MAF: variants seen among roughly 807,000 people sequenced by gnomAD.
MAF encodes transcription factor Maf.
Under a neutral mutation model 22.0 loss-of-function variants are expected in MAF, and 10 were observed. That is an observed-to-expected ratio of 0.45 (90% CI 0.28 to 0.77). MAF has a LOEUF of 0.77. MAF is among the 30% of genes least tolerant of loss of function. MAF has a pLI of 0.12. For missense variants in MAF, 544 were observed against 548.4 expected (o/e 0.99, Z 0.08); for synonymous variants, 337 against 255.8 (o/e 1.32, Z -3.03).
the MAF span, among the ~76,000 whole-genome samples, chr16:79,379,830 A>G: frequency 6.6e-6 from 1 of 152,152 alleles, no homozygotes; most frequent in African/African-American, 2.4e-5. Flanking sequence ...GTGCTTGAGG[A>G]GGCTTTTGTC....
intron 1 of MAF, chr16:79,594,772 T>C (rs1913414585): frequency 1.5e-6 from 2 of 1,345,480 alleles, no homozygotes; most frequent in Non-Finnish European, 9.5e-7. Context: ...TCAGTAATTG[T>C]TATTTCTAAA....
chr16:79,207,677 C>T, the MAF span, among the ~76,000 whole-genome samples: 1 of 152,146 alleles, frequency 6.6e-6, no homozygotes, highest in Non-Finnish European at 1.5e-5. Context: ...TTTAAATGAG[C>T]ATGCATTTTA....
the MAF span, among the ~76,000 whole-genome samples, chr16:79,385,721 C>G: frequency 3.3e-5 from 5 of 151,946 alleles, no homozygotes; most frequent in African/African-American, 1.2e-4. Context: ...GCCAACATGG[C>G]AAAACCCTGT....
chr16:79,518,484 G>A, the MAF span, among the ~76,000 whole-genome samples: 2 of 152,168 alleles, frequency 1.3e-5, no homozygotes, highest in African/African-American at 2.4e-5. Flanking sequence ...AACAGGCTAC[G>A]TGGAGGAGGA....
At chr16:79,238,281 G>C in the MAF span, among the ~76,000 whole-genome samples, 1 of 152,200 alleles carries the variant, frequency 6.6e-6, no homozygotes, top group Non-Finnish European at 1.5e-5. Flanking sequence ...TCCCTGGTTG[G>C]AAAAGAGGCC....
the MAF span, among the ~76,000 whole-genome samples, chr16:79,515,702 C>T: frequency 9.5e-4 from 145 of 152,236 alleles, no homozygotes; most frequent in Non-Finnish European, 1.7e-3. Context: ...TGCTTCCTGC[C>T]CTTGCTACAC....
At chr16:79,361,697 T>C in the MAF span, among the ~76,000 whole-genome samples, 4 of 144,346 alleles carry the variant, frequency 2.8e-5, no homozygotes, top group Non-Finnish European at 6.3e-5. Context: ...TTTCTTTTGG[T>C]TGTTTTATAT....
chr16:79,303,200 T>C, the MAF span, among the ~76,000 whole-genome samples: 2 of 152,230 alleles, frequency 1.3e-5, no homozygotes, highest in Non-Finnish European at 2.9e-5. Context: ...TGGAAGCATA[T>C]TGCAGAAGCA....
chr16:79,321,211 G>A, the MAF span, among the ~76,000 whole-genome samples: 25 of 152,162 alleles, frequency 1.6e-4, no homozygotes, highest in Non-Finnish European at 4.4e-5. Flanking sequence ...ATTCCACAGC[G>A]CAGTCTTGGG....
chr16:79,568,843 C>A, the MAF span, among the ~76,000 whole-genome samples: 1 of 152,198 alleles, frequency 6.6e-6, no homozygotes, highest in Non-Finnish European at 1.5e-5. Flanking sequence ...ATCATGTTTA[C>A]TGAGCACTTC....
the MAF span, among the ~76,000 whole-genome samples, chr16:79,351,618 G>T: frequency 1.3e-5 from 2 of 151,908 alleles, no homozygotes; most frequent in Non-Finnish European, 2.9e-5. Flanking sequence ...CAGAATCTTG[G>T]AATTGTGGAT....
the MAF span, among the ~76,000 whole-genome samples, chr16:79,447,854 G>A: frequency 1.1e-3 from 135 of 119,448 alleles, 1 homozygote; most frequent in Middle Eastern, 8.8e-3. Flanking sequence ...CTGAGATCAC[G>A]TCACTGTACT....
chr16:79,536,766 A>C, the MAF span, among the ~76,000 whole-genome samples: 1 of 152,376 alleles, frequency 6.6e-6, no homozygotes, highest in Admixed American at 6.5e-5. Context: ...ACACCCGTTT[A>C]CATAGCATTT....
At chr16:79,474,541 C>G in the MAF span, among the ~76,000 whole-genome samples, 1 of 152,130 alleles carries the variant, frequency 6.6e-6, no homozygotes, top group African/African-American at 2.4e-5. Flanking sequence ...CTTTCGATCC[C>G]CATAAAAGGC....
the MAF span, among the ~76,000 whole-genome samples, chr16:79,398,867 C>A: frequency 6.6e-6 from 1 of 152,194 alleles, no homozygotes; most frequent in Non-Finnish European, 1.5e-5. Context: ...TTCTCTGCCC[C>A]ATTGCAGGCT....
At chr16:79,585,343 C>A (rs888919984), downstream of MAF, among the ~76,000 whole-genome samples, 1 of 152,138 alleles carries the variant, frequency 6.6e-6, no homozygotes, top group Non-Finnish European at 1.5e-5. Context: ...CACATTTGGA[C>A]GCAGAAGTGG....
chr16:79,250,798 G>A, the MAF span, among the ~76,000 whole-genome samples: 1 of 152,154 alleles, frequency 6.6e-6, no homozygotes, highest in Non-Finnish European at 1.5e-5. Context: ...GCTTGCTAGC[G>A]TGGCCTGGCT....
chr16:79,499,546 G>A, the MAF span, among the ~76,000 whole-genome samples: 1 of 152,146 alleles, frequency 6.6e-6, no homozygotes, highest in Admixed American at 6.5e-5. Flanking sequence ...AGATTTGAAA[G>A]GTGATTAAGT....
At chr16:79,265,243 T>A in the MAF span, among the ~76,000 whole-genome samples, 6 of 152,196 alleles carry the variant, frequency 3.9e-5, no homozygotes, top group Admixed American at 2.0e-4. Context: ...AAGTGTAAGA[T>A]GGTGGCCAAA....
Sources: gnomAD v4.1 joint callset for allele counts (sites outside exome capture counted in the v4.1 genomes callset) on GRCh38, gnomAD v4.1.1 for gene constraint, MANE v1.5 for transcripts, NCBI Gene and HGNC (gene_info 2026-07-23, HGNC 2026-07-21) for gene names.